CCDC66: variants seen among roughly 807,000 people sequenced by gnomAD.
CCDC66 encodes coiled-coil domain-containing protein 66.
Under a neutral mutation model 128.3 loss-of-function variants are expected in CCDC66, and 133 were observed. The ratio of observed to expected loss-of-function variants is 1.04; its 90% CI spans 0.90 to 1.20. CCDC66 has a LOEUF of 1.20. Among genes scored for constraint, CCDC66 ranks in the 50% most tolerant of loss-of-function variants. The pLI is 0.00. For synonymous variants in CCDC66, 387 were observed against 357.0 expected, an observed-to-expected ratio of 1.08 and a Z score of -0.95; for missense variants, 1,126 against 1,075.5, an observed-to-expected ratio of 1.05 and a Z score of -0.66.
At chr3:56,563,526 A>C in intron 3 of CCDC66, 158 bp from the exon 4 acceptor site, 1 of 576,282 alleles carries the variant, frequency 1.7e-6, no homozygotes, top group Non-Finnish European at 3.0e-6. Context: ...GTTGTTGATG[A>C]AGATTTGCAA....
Position 56,574,464 on chromosome 3 carries a change from G to A in CCDC66, c.936+3162G>A, listed in dbSNP as rs1344949805. On this transcript the variant is annotated intron_variant, in intron 7 of 17. Coordinates refer to ENST00000394672, the MANE Select transcript of CCDC66 (RefSeq NM_001141947.3). ...AAGGAATTTGCTGTGTAACAAAAAA[G>A]CCCTCTTCTCAAATACCTTAGAGCA... Among the ~76,000 whole-genome samples, 4 of 151,716 alleles carry A rather than the reference G, an allele frequency of 2.6e-5. 1 individual carries two copies. The East Asian group carries it at 5.9e-4, about 22-fold the overall frequency.
At chr3:56,578,739 C>G (rs1359539297) in intron 7 of CCDC66, among the ~76,000 whole-genome samples, 2 of 151,782 alleles carry the variant, frequency 1.3e-5, no homozygotes, top group Non-Finnish European at 2.9e-5. Flanking sequence ...ATGAACCAGC[C>G]TTGCATCCCA....
chr3:56,571,149 G>A, intron 6 of CCDC66, 32 bp from the exon 7 acceptor site: 3 of 1,436,944 alleles, frequency 2.1e-6, no homozygotes, highest in Non-Finnish European at 2.8e-6. Flanking sequence ...TACAGTTTTT[G>A]TACATTTTTT....
rs373220909 is a variant in CCDC66 at position 56,609,627 on chromosome 3, C to T, written c.1405-3962C>T. Among the ~76,000 whole-genome samples the T allele has an allele frequency of 5.9e-5, 9 of 152,220 alleles. No individual in the cohort carries two copies. In the South Asian group the frequency reaches 1.0e-3, roughly 18 times the overall value. On this transcript the variant is annotated intron_variant, in intron 10 of 17. Transcript: ENST00000394672. ...CATTCATCATGCTGTTTGTTGCTTG[C>T]GTACTTTGGATTTGTTTTTTGTTTT...
At chr3:56,561,482 G>T (rs1175676900) in intron 3 of CCDC66, 5 of 327,400 alleles carry the variant, frequency 1.5e-5, no homozygotes, top group East Asian at 7.9e-5. Context: ...TTTTTTTTAA[G>T]AGTAACTACT....
intron 15 of CCDC66, chr3:56,618,555 A>G: frequency 4.3e-6 from 1 of 231,566 alleles, no homozygotes; most frequent in Non-Finnish European, 8.3e-6. Flanking sequence ...AATGACTGAT[A>G]AGGACAATGA....
In CCDC66 at chr3:56,558,908, A is replaced by G. The variant is rs548084281; in HGVS notation, c.74A>G (p.Tyr25Cys). 9.4e-5 allele frequency: 145 copies of G among 1,542,870 alleles called. No individual in the cohort carries two copies. The African/African-American group carries it at 1.2e-3, about 13-fold the overall frequency. Reference sequence around the variant, plus strand: ...AAAACCAAGCTAATATTGTCTCCATATGGTATGTTGTGTTACAGAAATCTG... The same window carrying G: ...AAAACCAAGCTAATATTGTCTCCATGTGGTATGTTGTGTTACAGAAATCTG... ...DGKTKLILSP[Y>C]EHKSKISVKM... The change falls in exon 2 of 18, where the codon TAT (tyrosine) becomes TGT (cysteine). Residue 25 changes from tyrosine (Y) to cysteine (C), a missense_variant and splice_region_variant. Coordinates refer to ENST00000394672, the MANE Select transcript of CCDC66 (RefSeq NM_001141947.3).
chr3:56,596,458 C>A (rs1392412518), intron 10 of CCDC66, among the ~76,000 whole-genome samples: 1 of 143,550 alleles, frequency 7.0e-6, no homozygotes, highest in East Asian at 2.0e-4. Flanking sequence ...TGGATAGTAG[C>A]CCTTTGTTGG....
intron 3 of CCDC66, 29 bp from the exon 4 acceptor site, chr3:56,563,655 T>A: frequency 6.7e-7 from 1 of 1,495,644 alleles, no homozygotes; most frequent in Non-Finnish European, 9.0e-7. Context: ...TGGACAGTTA[T>A]AAAGAATAAG....
At chr3:56,613,289 G>C (rs560571703) in intron 10 of CCDC66, among the ~76,000 whole-genome samples, 1 of 152,172 alleles carries the variant, frequency 6.6e-6, no homozygotes, top group Non-Finnish European at 1.5e-5. Context: ...TCCTTGATGG[G>C]CATGTGGATT....
At chr3:56,592,024 T>C (rs1012303452) in intron 7 of CCDC66, among the ~76,000 whole-genome samples, 1 of 152,234 alleles carries the variant, frequency 6.6e-6, no homozygotes, top group African/African-American at 2.4e-5. Flanking sequence ...CCTAAACTCA[T>C]CAATTAAAGT....
chr3:56,564,126 G>T lies in CCDC66; in HGVS notation c.544+1G>T, dbSNP rs749019281. The stretch of plus-strand genomic sequence containing the variant: ...ACTGAGAATGGAAAGGAGGCAAAAA[G>T]TAAGATTTTTCTAAAGTTTTCATGA... On this transcript the variant is annotated splice_donor_variant, in intron 4 of 17. Coordinates refer to ENST00000394672, the MANE Select transcript of CCDC66 (RefSeq NM_001141947.3). LOFTEE classifies it high-confidence loss of function. The T allele has an allele frequency of 6.3e-7, 1 of 1,580,368 alleles. No homozygotes were observed. The highest frequency in any genetic ancestry group is 8.6e-7 in the Non-Finnish European group (1 of 1,165,958).
intron 3 of CCDC66, among the ~76,000 whole-genome samples, chr3:56,560,318 C>T (rs1260742141): frequency 6.6e-6 from 1 of 152,206 alleles, no homozygotes; most frequent in Non-Finnish European, 1.5e-5. Context: ...AGATCTTCCT[C>T]CTCCAGCCTC....
chr3:56,578,985 G>C (rs1213159553), intron 7 of CCDC66, among the ~76,000 whole-genome samples: 2 of 151,836 alleles, frequency 1.3e-5, no homozygotes, highest in Non-Finnish European at 2.9e-5. Flanking sequence ...AGAAGGAATG[G>C]TACCAGCTCC....
In CCDC66 at chr3:56,593,500, C is replaced by G. The variant is rs1307265641; in HGVS notation, c.1078C>G (p.His360Asp). 2 of 1,614,028 alleles carry G rather than the reference C, an allele frequency of 1.2e-6. No individual in the cohort carries two copies. The highest frequency in any genetic ancestry group is 1.7e-5 in the Admixed American group (1 of 60,022). The part of the protein sequence containing the change: ...EKIIYSKGEE[H>D]DRWAMHFDSL... ...TATTTGTCATCATTAGGGTGAGGAA[C>G]ATGACAGATGGGCAATGCACTTTGA... Residue 360 changes from histidine to aspartate, a missense_variant, in exon 9 of 18, where the codon CAT becomes GAT. His to Asp is a moderately conservative substitution (Grantham distance 81). Transcript: ENST00000394672.
chr3:56,557,318 T>C, intron 1 of CCDC66, 65 bp downstream of exon 1: 1 of 1,540,660 alleles, frequency 6.5e-7, no homozygotes, highest in Non-Finnish European at 8.8e-7. Flanking sequence ...GAGGGAGGCA[T>C]GTGTGTCTGG....
chr3:56,613,451 A>G, intron 10 of CCDC66, 138 bp from the exon 11 acceptor site: 2 of 840,958 alleles, frequency 2.4e-6, no homozygotes, highest in South Asian at 1.9e-5. Context: ...ATCTACGTGA[A>G]GTATGATTGT....
chr3:56,595,125 TATA>T (rs909005320), intron 10 of CCDC66, among the ~76,000 whole-genome samples: 12 of 152,218 alleles, frequency 7.9e-5, no homozygotes, highest in African/African-American at 2.9e-4. Flanking sequence ...AAAATTGATA[TATA>T]ATGTTTTATA....
At chr3:56,609,245 T>G (rs1450459645) in intron 10 of CCDC66, among the ~76,000 whole-genome samples, 2 of 152,188 alleles carry the variant, frequency 1.3e-5, no homozygotes, top group Non-Finnish European at 2.9e-5. Context: ...ATTTCTTAGG[T>G]CTATTAGTAA....
Sources: gnomAD v4.1 joint callset for allele counts (sites outside exome capture counted in the v4.1 genomes callset) on GRCh38, gnomAD v4.1.1 for gene constraint, MANE v1.5 for transcripts, NCBI Gene and HGNC (gene_info 2026-07-23, HGNC 2026-07-21) for gene names.